The following COG3 variants were observed in gnomAD, a reference collection of about 807,000 sequenced individuals.
COG3 encodes conserved oligomeric Golgi complex subunit 3.
In COG3, 32 loss-of-function variants were observed where a neutral mutation model predicts 114.1. The observed-to-expected ratio is 0.28, with a 90% confidence interval of 0.21 to 0.38. The LOEUF (loss-of-function observed/expected upper bound fraction) is 0.38, where lower values mean the gene tolerates loss of function less well. COG3 is among the 10% of genes least tolerant of loss of function. COG3 has a pLI of 1.00. For missense variants in COG3, 813 were observed against 973.2 expected, an observed-to-expected ratio of 0.84 and a Z score of 2.19; for synonymous variants, 352 against 365.7, an observed-to-expected ratio of 0.96 and a Z score of 0.43.
intron 1 of COG3, among the ~76,000 whole-genome samples, chr13:45,467,412 C>T (rs781492139): frequency 1.3e-5 from 2 of 152,128 alleles, no homozygotes; most frequent in South Asian, 2.1e-4. Flanking sequence ...GCCAACATGG[C>T]GAAACACCAT....
At chr13:45,504,345 T>A (rs1450665890) in intron 14 of COG3, among the ~76,000 whole-genome samples, 1 of 152,224 alleles carries the variant, frequency 6.6e-6, no homozygotes, top group Admixed American at 6.5e-5. Flanking sequence ...AATTTCCTCC[T>A]CTGCAATAGA....
At chr13:45,490,729 T>TA (rs1332643519) in intron 8 of COG3, among the ~76,000 whole-genome samples, 186 bp from the exon 9 acceptor site, 16 of 147,902 alleles carry the variant, frequency 1.1e-4, no homozygotes, top group African/African-American at 4.2e-4. Context: ...ACTGTGGATA[T>TA]AAAAAAACTG....
intron 17 of COG3, 72 bp from the exon 18 acceptor site, chr13:45,518,690 C>G (rs1181341811): frequency 8.9e-7 from 1 of 1,120,014 alleles, no homozygotes; most frequent in Non-Finnish European, 1.3e-6. Context: ...TGGTAGAGAA[C>G]TGGTGTATGT....
chr13:45,518,828 C>T lies in COG3; in HGVS notation c.1997C>T (p.Ala666Val). 1.9e-6 allele frequency: 3 copies of T among 1,613,700 alleles called. No individual in the cohort carries two copies. Among genetic ancestry groups the T allele is most frequent in the Non-Finnish European group, 2.5e-6 (3 of 1,179,658 alleles). Residue 666 changes from alanine (A) to valine (V), a missense_variant, in exon 18 of 23, where the codon GCC (alanine) becomes GTC (valine). Physicochemically the swap from Ala to Val is moderately conservative, Grantham distance 64. Coordinates refer to ENST00000349995, the MANE Select transcript of COG3 (RefSeq NM_031431.4). ...PRFFRLNSNN[A>V]LIEFLLEGTP... The stretch of plus-strand genomic sequence containing the variant: ...TTTTTTAGGCTGAATAGCAACAATG[C>T]CTTGATAGAGTTCTTGTTGGAGGTG...
chr13:45,519,285 C>T (rs1393991655), intron 19 of COG3, among the ~76,000 whole-genome samples, 191 bp downstream of exon 19: 2 of 152,152 alleles, frequency 1.3e-5, no homozygotes, highest in African/African-American at 4.8e-5. Context: ...TATGCTTGCA[C>T]AGTTTTTGTT....
intron 1 of COG3, among the ~76,000 whole-genome samples, chr13:45,468,857 C>T (rs1448460201): frequency 6.6e-6 from 1 of 152,212 alleles, no homozygotes; most frequent in Non-Finnish European, 1.5e-5. Context: ...ATTCAGTCAC[C>T]TCCTCCTGAG....
chr13:45,474,334 G>T (rs946505254), intron 1 of COG3, among the ~76,000 whole-genome samples: 9 of 150,758 alleles, frequency 6.0e-5, no homozygotes, highest in African/African-American at 1.9e-4. Context: ...ATTTTTTTTT[G>T]TGTGTTTTTA....
intron 3 of COG3, 136 bp downstream of exon 3, chr13:45,479,202 C>G (rs1406603218): frequency 1.6e-6 from 1 of 641,246 alleles, no homozygotes; most frequent in Non-Finnish European, 2.7e-6. Flanking sequence ...TTAAGAATAG[C>G]CAGTGAGAAG....
chr13:45,513,000 T>TC (rs397769759), intron 16 of COG3, among the ~76,000 whole-genome samples: 11 of 150,754 alleles, frequency 7.3e-5, no homozygotes, highest in South Asian at 2.1e-4. Context: ...TTTTTTTTTT[T>TC]CCCAGGAAGT....
At chr13:45,499,678 G>T (rs539285188) in intron 13 of COG3, among the ~76,000 whole-genome samples, 1 of 152,334 alleles carries the variant, frequency 6.6e-6, no homozygotes, top group South Asian at 2.1e-4. Flanking sequence ...AGTGGCTGTT[G>T]TAATTTATTT....
At chr13:45,483,438 T>G in intron 7 of COG3, 83 bp downstream of exon 7, 3 of 1,176,222 alleles carry the variant, frequency 2.6e-6, no homozygotes, top group Non-Finnish European at 3.4e-6. Flanking sequence ...TGGCTGAGAT[T>G]AGTACTTTGT....
At chr13:45,533,251 A>G (rs541030916) in intron 22 of COG3, among the ~76,000 whole-genome samples, 1 of 152,022 alleles carries the variant, frequency 6.6e-6, no homozygotes, top group South Asian at 2.1e-4. Context: ...AGTCACTTGC[A>G]TGAATGTAGA....
intron 15 of COG3, among the ~76,000 whole-genome samples, chr13:45,510,652 A>G (rs1870758858): frequency 6.6e-6 from 1 of 152,216 alleles, no homozygotes; most frequent in African/African-American, 2.4e-5. Context: ...TTAGCTTAAT[A>G]GTAGGTAGGC....
At position 45,480,238 on chromosome 13, in the gene COG3, C is replaced by T. The variant is rs376780940; in HGVS notation, c.497C>T (p.Ser166Phe). The change falls in exon 4 of 23, where the codon TCC becomes TTC. Residue 166 changes from serine to phenylalanine, a missense_variant. Physicochemically the swap from Ser to Phe is radical, Grantham distance 155 (BLOSUM62 -2). This residue lies in a region of COG3 where 424 missense variants were observed against 430.6 expected (regional missense o/e 0.98). Transcript: ENST00000349995. ...TTGCAGAAACAGTATCTTTTTGTGT[C>T]CAATAAGACAGGAACCCTACATGAA... ...ESLQKQYLFV[S>F]NKTGTLHEAC... 6.2e-7 allele frequency: 1 copy of T among 1,613,194 alleles called. No individual in the cohort carries two copies. The highest frequency in any genetic ancestry group is 2.2e-5 in the East Asian group (1 of 44,856).
At chr13:45,481,495 A>G (rs1012213743) in intron 5 of COG3, among the ~76,000 whole-genome samples, 191 bp downstream of exon 5, 2 of 152,094 alleles carry the variant, frequency 1.3e-5, no homozygotes, top group African/African-American at 4.8e-5. Context: ...TTGAGTTAAG[A>G]TGTGTTTCTT....
chr13:45,501,480 A>G (rs1229464071), intron 13 of COG3, among the ~76,000 whole-genome samples: 1 of 152,228 alleles, frequency 6.6e-6, no homozygotes, highest in African/African-American at 2.4e-5. Context: ...GTTGGCTCCT[A>G]TGTCCTTTTG....
intron 19 of COG3, among the ~76,000 whole-genome samples, chr13:45,521,158 A>AT (rs35160993): frequency 0.057 from 8,635 of 150,440 alleles, 284 homozygotes; most frequent in East Asian, 0.1. Context: ...GTCTCAAAAC[A>AT]TTTTTTTTTT....
At chr13:45,494,524 T>G (rs1868505313) in intron 12 of COG3, among the ~76,000 whole-genome samples, 1 of 152,114 alleles carries the variant, frequency 6.6e-6, no homozygotes, top group Admixed American at 6.5e-5. Flanking sequence ...ATGGTTTTTT[T>G]GTTTTGTTTT....
intron 16 of COG3, among the ~76,000 whole-genome samples, chr13:45,515,259 G>A (rs1007395573): frequency 1.2e-4 from 18 of 152,152 alleles, no homozygotes; most frequent in Non-Finnish European, 1.3e-4. Context: ...CACTGATTAT[G>A]TTTATTAAAA....
Sources: allele counts gnomAD v4.1 joint callset (sites outside exome capture counted in the v4.1 genomes callset), GRCh38; gene constraint gnomAD v4.1.1; regional missense constraint gnomAD v4.1.1; transcripts MANE v1.5; gene names NCBI Gene and HGNC (gene_info 2026-07-23, HGNC 2026-07-21).